Variants in GLI2 observed in about 807,000 individuals in gnomAD.
The protein encoded by GLI2 is GLI family zinc finger 2, also known as transcription activator GLI2.
In GLI2, 22 loss-of-function variants were observed where a neutral mutation model predicts 78.9. The ratio of observed to expected loss-of-function variants is 0.28; its 90% CI spans 0.20 to 0.40. The LOEUF is 0.40. Among genes scored for constraint, GLI2 ranks in the 10% least tolerant of loss-of-function variants. GLI2 has a pLI of 1.00. For missense variants in GLI2, 2,097 were observed against 2,213.2 expected (o/e 0.95, Z 1.05); for synonymous variants, 974 against 963.7 (o/e 1.01, Z -0.20).
intron 1 of GLI2, among the ~76,000 whole-genome samples, chr2:120,756,241 T>C (rs1683029179): frequency 6.6e-6 from 1 of 152,198 alleles, no homozygotes. Flanking sequence ...CTTCTTCATA[T>C]TCTCCTAGCA....
At chr2:120,961,619 G>C (rs4625912) in intron 5 of GLI2, among the ~76,000 whole-genome samples, 2 of 152,048 alleles carry the variant, frequency 1.3e-5, no homozygotes, top group Non-Finnish European at 2.9e-5. Context: ...CGGCCCAGGC[G>C]CTTGCTACTC....
intron 2 of GLI2, among the ~76,000 whole-genome samples, chr2:120,877,472 A>C (rs1306428756): frequency 6.6e-6 from 1 of 152,218 alleles, no homozygotes; most frequent in African/African-American, 2.4e-5. Flanking sequence ...CACCCAGATC[A>C]AGAGACAGAC....
chr2:120,973,294 G>A (rs1682283476), intron 8 of GLI2, among the ~76,000 whole-genome samples: 1 of 152,206 alleles, frequency 6.6e-6, no homozygotes, highest in South Asian at 2.1e-4. Flanking sequence ...CATATCCAGG[G>A]AAGATAAACA....
intron 4 of GLI2, among the ~76,000 whole-genome samples, chr2:120,952,980 G>A (rs1462753116): frequency 6.6e-6 from 1 of 152,248 alleles, no homozygotes; most frequent in Non-Finnish European, 1.5e-5. Flanking sequence ...GACCAGGCTG[G>A]CGTTCCTTCC....
rs904073030 is a variant in GLI2 at position 120,773,811 on chromosome 2, G to A, written c.-30-23480G>A. Among the ~76,000 whole-genome samples, 11 of 152,168 alleles carry A rather than the reference G, an allele frequency of 7.2e-5. No homozygotes were observed. The South Asian group carries it at 8.3e-4, about 12-fold the overall frequency. ...CATGGAGGGGGAGATGTGCTTCAGC[G>A]GTGTTGGAGGCTCATTAGGAGCTTG... On this transcript the variant is annotated intron_variant, in intron 1 of 13. Transcript: ENST00000361492.
chr2:120,969,993 C>T (rs922650838), intron 6 of GLI2, among the ~76,000 whole-genome samples: 1 of 152,148 alleles, frequency 6.6e-6, no homozygotes, highest in African/African-American at 2.4e-5. Flanking sequence ...AGCTGGGGGG[C>T]TCAGGGCAAG....
chr2:120,988,764 C>T lies in GLI2; in HGVS notation c.2799C>T (p.His933=), dbSNP rs565104086. Residue 933 remains histidine (H), a synonymous_variant, in exon 14 of 14, where the codon CAC becomes CAT. Transcript: ENST00000361492. ...ACGGGCCGACCTATGGCCACGGCCACGCGGGGGCTGCGCCCGCCTTCCCCC... is the reference window on the plus strand; with the variant it reads ...ACGGGCCGACCTATGGCCACGGCCATGCGGGGGCTGCGCCCGCCTTCCCCC... ...GSDGPTYGHG[H]AGAAPAFPHE... is the part of the protein sequence containing the mutation. 3.9e-6 allele frequency: 5 copies of T among 1,279,902 alleles called. No homozygotes were observed. The South Asian group carries it at 7.5e-5, about 19-fold the overall frequency. 79.3% of individuals were successfully genotyped at this position (1,279,902 alleles called of 1,614,324 possible).
chr2:120,743,747 G>C (rs1163101547), intron 1 of GLI2, among the ~76,000 whole-genome samples: 1 of 152,214 alleles, frequency 6.6e-6, no homozygotes, highest in African/African-American at 2.4e-5. Flanking sequence ...GCCTATCTCT[G>C]GGAAGGGGGC....
At chr2:120,838,731 G>A (rs1244823690) in intron 2 of GLI2, among the ~76,000 whole-genome samples, 2 of 152,160 alleles carry the variant, frequency 1.3e-5, no homozygotes, top group Admixed American at 1.3e-4. Context: ...ATAATCCCAT[G>A]TTTTTACTGT....
At chr2:120,739,963 G>C (rs576180196) in intron 1 of GLI2, among the ~76,000 whole-genome samples, 1 of 152,280 alleles carries the variant, frequency 6.6e-6, no homozygotes, top group South Asian at 2.1e-4. Context: ...AGGGTCATCC[G>C]ACATTGATGT....
At chr2:120,956,250 T>G (rs1364517649) in intron 5 of GLI2, among the ~76,000 whole-genome samples, 1 of 151,536 alleles carries the variant, frequency 6.6e-6, no homozygotes, top group Non-Finnish European at 1.5e-5. Context: ...GGAGTTGAAG[T>G]TGACCTCAGG....
chr2:120,907,412 A>AC (rs1409380945), intron 2 of GLI2, among the ~76,000 whole-genome samples: 1 of 152,128 alleles, frequency 6.6e-6, no homozygotes, highest in Non-Finnish European at 1.5e-5. Flanking sequence ...TGGAGACTGA[A>AC]CTGGGAGCCT....
intron 2 of GLI2, among the ~76,000 whole-genome samples, chr2:120,832,747 T>C (rs998053983): frequency 1.3e-5 from 2 of 152,180 alleles, no homozygotes; most frequent in South Asian, 2.1e-4. Flanking sequence ...GCAGGCTGTG[T>C]GATGGGCAGG....
chr2:120,966,601 C>A (rs1040945853), intron 5 of GLI2, among the ~76,000 whole-genome samples: 1 of 152,250 alleles, frequency 6.6e-6, no homozygotes, highest in Admixed American at 6.5e-5. Flanking sequence ...AGGTGCTTCT[C>A]CTGGTGGCCT....
intron 3 of GLI2, among the ~76,000 whole-genome samples, chr2:120,938,397 C>T (rs1254078275): frequency 6.6e-6 from 1 of 152,240 alleles, no homozygotes; most frequent in Non-Finnish European, 1.5e-5. Flanking sequence ...ATTCTGCTCC[C>T]AGGGGAAAAC....
chr2:120,974,145 C>T (rs1328431141), intron 8 of GLI2, among the ~76,000 whole-genome samples: 1 of 152,174 alleles, frequency 6.6e-6, no homozygotes, highest in Admixed American at 6.5e-5. Flanking sequence ...CTTGGCTTTG[C>T]TCCCAGCCTT....
At chr2:120,831,807 G>A (rs1686372875) in intron 2 of GLI2, among the ~76,000 whole-genome samples, 3 of 152,180 alleles carry the variant, frequency 2.0e-5, no homozygotes, top group Non-Finnish European at 1.5e-5. Flanking sequence ...ATTTGTCTGT[G>A]GGTTGTTGTG....
intron 2 of GLI2, among the ~76,000 whole-genome samples, chr2:120,913,481 C>G (rs1306270022): frequency 6.6e-6 from 1 of 151,860 alleles, no homozygotes; most frequent in Admixed American, 6.6e-5. Context: ...AATGTGGCTC[C>G]TAGAAAATTT....
chr2:120,748,637 C>A lies in GLI2; in HGVS notation c.-31+12352C>A, dbSNP rs1386470037. On this transcript the variant is annotated intron_variant, in intron 1 of 13. Transcript: ENST00000361492. ...GTCATGGGACATAAATGTGCAGAGGCCCAGGTTCTTTCCGAGGCTGGAACA... is the reference window on the plus strand; with the variant it reads ...GTCATGGGACATAAATGTGCAGAGGACCAGGTTCTTTCCGAGGCTGGAACA... 2.6e-5 allele frequency among the ~76,000 whole-genome samples: 4 copies of A among 152,154 alleles called. No individual in the cohort carries two copies. The East Asian group carries it at 7.7e-4, about 29-fold the overall frequency.
Sources: gnomAD v4.1 joint callset for allele counts (sites outside exome capture counted in the v4.1 genomes callset) on GRCh38, gnomAD v4.1.1 for gene constraint, MANE v1.5 for transcripts, NCBI Gene and HGNC (gene_info 2026-07-23, HGNC 2026-07-21) for gene names.